The following POLK variants were observed in gnomAD, a reference collection of about 807,000 sequenced individuals.
POLK encodes the protein DNA polymerase kappa, also known as polymerase (DNA directed) kappa.
Under a neutral mutation model 94.0 loss-of-function variants are expected in POLK, and 76 were observed. That is an observed-to-expected ratio of 0.81 (90% confidence interval 0.67 to 0.98). POLK has a LOEUF of 0.98. Ranked by LOEUF, POLK falls within the 50% of genes least tolerant of loss-of-function variation. POLK has a pLI of 0.00. For synonymous variants in POLK, 349 were observed against 325.4 expected (o/e 1.07, Z -0.78); for missense variants, 954 against 1,010.1 (o/e 0.94, Z 0.75).
chr5:75,537,439 A>G (rs1353389848), intron 1 of POLK, among the ~76,000 whole-genome samples: 1 of 152,136 alleles, frequency 6.6e-6, no homozygotes, highest in African/African-American at 2.4e-5. Flanking sequence ...GCCCACCTTC[A>G]TTCCTCCGTG....
intron 3 of POLK, among the ~76,000 whole-genome samples, chr5:75,559,740 A>G (rs1034215915): frequency 6.6e-6 from 1 of 151,646 alleles, no homozygotes; most frequent in Non-Finnish European, 1.5e-5. Flanking sequence ...GGATCTCACT[A>G]TATTGCCCAG....
intron 6 of POLK, among the ~76,000 whole-genome samples, chr5:75,578,712 T>C (rs1176357185): frequency 1.3e-5 from 2 of 152,204 alleles, no homozygotes; most frequent in African/African-American, 4.8e-5. Flanking sequence ...GCAATTGATA[T>C]ATCTTCCTCT....
intron 1 of POLK, among the ~76,000 whole-genome samples, chr5:75,521,272 A>G (rs551645547): frequency 6.6e-6 from 1 of 152,138 alleles, no homozygotes; most frequent in African/African-American, 2.4e-5. Context: ...TCTTCTAGGC[A>G]ATCTTCATTC....
intron 1 of POLK, among the ~76,000 whole-genome samples, chr5:75,521,165 GC>G (rs1768560690): frequency 6.6e-6 from 1 of 152,120 alleles, no homozygotes; most frequent in Admixed American, 6.5e-5. Context: ...ATTTTGGGAA[GC>G]TTTATTTTTT....
chr5:75,600,062 G>A (rs1423795956), exon 15 of POLK: 3 of 151,910 alleles, frequency 2.0e-5, no homozygotes, highest in African/African-American at 4.8e-5. Context: ...CTAATATAAA[G>A]AACCACCGTA....
intron 9 of POLK, among the ~76,000 whole-genome samples, chr5:75,585,330 G>T (rs1212663741): frequency 2.0e-5 from 3 of 152,118 alleles, no homozygotes; most frequent in South Asian, 2.1e-4. Flanking sequence ...TTCTTTTCCG[G>T]ATTCATTCAT....
At chr5:75,599,543 A>G (rs1157717059) in exon 15 of POLK, 2 of 152,128 alleles carry the variant, frequency 1.3e-5, no homozygotes, top group Non-Finnish European at 2.9e-5. Context: ...ATTATACACT[A>G]TGGCAAATAC....
intron 1 of POLK, among the ~76,000 whole-genome samples, chr5:75,546,092 A>G (rs565820221): frequency 6.6e-6 from 1 of 152,186 alleles, no homozygotes; most frequent in African/African-American, 2.4e-5. Context: ...CACACAATCA[A>G]AAATTCACAT....
At chr5:75,545,614 T>A (rs1450724348) in intron 1 of POLK, among the ~76,000 whole-genome samples, 5 of 152,324 alleles carry the variant, frequency 3.3e-5, no homozygotes, top group Admixed American at 6.5e-5. Flanking sequence ...AAATAATTAT[T>A]ATCTGAAAGG....
At chr5:75,519,395 A>C (rs1194574385) in intron 1 of POLK, among the ~76,000 whole-genome samples, 1 of 152,176 alleles carries the variant, frequency 6.6e-6, no homozygotes, top group Non-Finnish European at 1.5e-5. Flanking sequence ...AATGTCAATT[A>C]GGCCTATTTG....
intron 4 of POLK, among the ~76,000 whole-genome samples, chr5:75,569,773 C>G (rs1771491073): frequency 5.3e-5 from 8 of 152,182 alleles, no homozygotes; most frequent in Admixed American, 4.6e-4. Context: ...TCTGTATTTA[C>G]AACCACTTCC....
At chr5:75,572,913 T>C (rs923669472) in intron 4 of POLK, among the ~76,000 whole-genome samples, 1 of 152,182 alleles carries the variant, frequency 6.6e-6, no homozygotes, top group Non-Finnish European at 1.5e-5. Context: ...ACACTGTTGG[T>C]AGGACTGTAA....
chr5:75,511,539 GA>G, upstream of POLK: 1 of 1,459,922 alleles, frequency 6.8e-7, no homozygotes. Flanking sequence ...AAGGAAAAGG[GA>G]AAAGAAGGGA....
At chr5:75,549,431 G>A (rs919407501) in intron 2 of POLK, among the ~76,000 whole-genome samples, 22 of 151,628 alleles carry the variant, frequency 1.5e-4, no homozygotes, top group Admixed American at 1.4e-3. Context: ...ATATCTGCTA[G>A]CACAATTTCT....
intron 10 of POLK, among the ~76,000 whole-genome samples, 179 bp downstream of exon 10, chr5:75,587,237 T>A (rs540414832): frequency 6.6e-6 from 1 of 152,298 alleles, no homozygotes; most frequent in South Asian, 2.1e-4. Context: ...TATTTTCAGT[T>A]GCTATAATCT....
chr5:75,539,134 A>G (rs928362966), intron 1 of POLK, among the ~76,000 whole-genome samples: 1 of 152,214 alleles, frequency 6.6e-6, no homozygotes, highest in Non-Finnish European at 1.5e-5. Context: ...TCAGTATTTT[A>G]AAAGTAAGGC....
chr5:75,557,089 C>G (rs1293106647), intron 3 of POLK, among the ~76,000 whole-genome samples: 1 of 152,076 alleles, frequency 6.6e-6, no homozygotes, highest in East Asian at 1.9e-4. Context: ...GAAAGAAACT[C>G]TTCTCCATTT....
intron 3 of POLK, among the ~76,000 whole-genome samples, chr5:75,559,493 G>A: frequency 8.9e-6 from 1 of 112,704 alleles, no homozygotes; most frequent in Non-Finnish European, 1.9e-5. Context: ...GCAATTTATT[G>A]ATTTGGGGTT....
At chr5:75,606,775 C>G in the POLK span, among the ~76,000 whole-genome samples, 2 of 152,084 alleles carry the variant, frequency 1.3e-5, no homozygotes, top group Non-Finnish European at 2.9e-5. Flanking sequence ...AATCTGATCT[C>G]TCTTGCTTTT....
Sources: allele counts gnomAD v4.1 joint callset (sites outside exome capture counted in the v4.1 genomes callset), GRCh38; gene constraint gnomAD v4.1.1; transcripts MANE v1.5; gene names NCBI Gene and HGNC (gene_info 2026-07-23, HGNC 2026-07-21).